Variants in ST6GALNAC3 observed in about 807,000 individuals in gnomAD.
ST6GALNAC3 encodes the protein alpha-N-acetylgalactosaminide alpha-2,6-sialyltransferase 3.
Under a neutral mutation model 32.7 loss-of-function variants are expected in ST6GALNAC3, and 25 were observed. The ratio of observed to expected loss-of-function variants is 0.76; its 90% CI spans 0.56 to 1.07. ST6GALNAC3 has a LOEUF of 1.07. Ranked by LOEUF, ST6GALNAC3 falls within the 50% of genes least tolerant of loss-of-function variation. The pLI is 0.00. For synonymous variants in ST6GALNAC3, 129 were observed against 133.1 expected (o/e 0.97, Z 0.21); for missense variants, 355 against 382.4 (o/e 0.93, Z 0.60).
intron 3 of ST6GALNAC3, among the ~76,000 whole-genome samples, chr1:76,491,318 C>T (rs1266594320): frequency 2.6e-5 from 4 of 152,268 alleles, no homozygotes; most frequent in East Asian, 3.9e-4. Context: ...TATTAAAACT[C>T]TTTGTCTCAT....
chr1:76,572,014 G>C (rs1428035214), intron 3 of ST6GALNAC3, among the ~76,000 whole-genome samples: 2 of 151,962 alleles, frequency 1.3e-5, no homozygotes, highest in African/African-American at 4.8e-5. Context: ...TCTGATGTTA[G>C]GCATTTTTTC....
chr1:76,369,280 T>C (rs1443040395), intron 2 of ST6GALNAC3, among the ~76,000 whole-genome samples: 1 of 152,160 alleles, frequency 6.6e-6, no homozygotes, highest in Non-Finnish European at 1.5e-5. Context: ...TTTTTCAACA[T>C]GCTCAGGTAT....
chr1:76,607,119 G>C (rs1647608372), intron 3 of ST6GALNAC3, among the ~76,000 whole-genome samples: 1 of 152,100 alleles, frequency 6.6e-6, no homozygotes, highest in African/African-American at 2.4e-5. Context: ...ACAGCACTTA[G>C]GAAAGCAGTT....
intron 1 of ST6GALNAC3, among the ~76,000 whole-genome samples, chr1:76,190,252 A>T (rs1213190074): frequency 6.6e-6 from 1 of 152,138 alleles, no homozygotes; most frequent in African/African-American, 2.4e-5. Context: ...GTGGAGTAGG[A>T]TGAGAGGCAG....
Position 76,531,596 on chromosome 1 carries a change from C to CT in ST6GALNAC3, c.624-95850dup, listed in dbSNP as rs970300522. 2.6e-4 allele frequency among the ~76,000 whole-genome samples: 39 copies of CT among 152,222 alleles called. 1 individual carries two copies. Among genetic ancestry groups the CT allele is most frequent in the African/African-American group, 7.5e-4 (31 of 41,548 alleles). On this transcript the variant is annotated intron_variant, in intron 3 of 4. Transcript: ENST00000328299. The stretch of plus-strand genomic sequence containing the variant: ...TTAGGAGTAATTTCCATTTTGTGTG[C>CT]TTTTTTCCCCCTCATTGACTGTAAG...
chr1:76,107,943 A>G (rs1647653082), intron 1 of ST6GALNAC3, among the ~76,000 whole-genome samples: 1 of 152,196 alleles, frequency 6.6e-6, no homozygotes, highest in African/African-American at 2.4e-5. Context: ...CATTGAGGCT[A>G]TAGATCTCTA....
chr1:76,614,280 A>C (rs1219584203), intron 3 of ST6GALNAC3, among the ~76,000 whole-genome samples: 1 of 152,234 alleles, frequency 6.6e-6, no homozygotes, highest in Non-Finnish European at 1.5e-5. Context: ...TTAGATTCTC[A>C]GGCCAATTCT....
At chr1:76,399,833 T>C (rs1179050054) in intron 2 of ST6GALNAC3, among the ~76,000 whole-genome samples, 1 of 152,198 alleles carries the variant, frequency 6.6e-6, no homozygotes, top group Non-Finnish European at 1.5e-5. Flanking sequence ...ATTTAATATT[T>C]TGAGGCAGTA....
intron 3 of ST6GALNAC3, among the ~76,000 whole-genome samples, chr1:76,563,739 A>G (rs527695652): frequency 1.6e-4 from 25 of 152,320 alleles, no homozygotes; most frequent in African/African-American, 5.5e-4. Context: ...TTTATTATGA[A>G]AATATATGAA....
At chr1:76,534,257 G>T (rs964158587) in intron 3 of ST6GALNAC3, among the ~76,000 whole-genome samples, 1 of 152,018 alleles carries the variant, frequency 6.6e-6, no homozygotes, top group Admixed American at 6.5e-5. Context: ...TGGCCAGACT[G>T]GTCTCAAACT....
intron 3 of ST6GALNAC3, among the ~76,000 whole-genome samples, chr1:76,548,250 A>G (rs1445901666): frequency 6.6e-6 from 1 of 152,158 alleles, no homozygotes; most frequent in Non-Finnish European, 1.5e-5. Context: ...CCCCTCTTCT[A>G]AAAGGCCACC....
intron 3 of ST6GALNAC3, among the ~76,000 whole-genome samples, chr1:76,588,489 C>T (rs1386128243): frequency 6.6e-6 from 1 of 152,204 alleles, no homozygotes; most frequent in East Asian, 1.9e-4. Flanking sequence ...AAGTAATGCA[C>T]TTGATATTTG....
chr1:76,637,228 T>C (rs1330097026), downstream of ST6GALNAC3: 1 of 152,196 alleles, frequency 6.6e-6, no homozygotes, highest in Non-Finnish European at 1.5e-5. Flanking sequence ...ATAATTTTCC[T>C]ACAAATGTCT....
intron 1 of ST6GALNAC3, among the ~76,000 whole-genome samples, chr1:76,180,356 C>G (rs1000313325): frequency 1.3e-5 from 2 of 152,138 alleles, no homozygotes; most frequent in African/African-American, 4.8e-5. Context: ...ATCTTCCCAA[C>G]TAAAGTGTGA....
chr1:76,584,781 G>A (rs1646937033), intron 3 of ST6GALNAC3, among the ~76,000 whole-genome samples: 1 of 152,192 alleles, frequency 6.6e-6, no homozygotes, highest in South Asian at 2.1e-4. Context: ...AAACTTAGCT[G>A]AAATGGTTGA....
chr1:76,347,523 A>G (rs1446868136), intron 2 of ST6GALNAC3, among the ~76,000 whole-genome samples: 1 of 152,120 alleles, frequency 6.6e-6, no homozygotes, highest in Non-Finnish European at 1.5e-5. Flanking sequence ...CCAAAATACA[A>G]TACAATACTT....
At chr1:76,409,856 G>A (rs1654096782) in intron 2 of ST6GALNAC3, among the ~76,000 whole-genome samples, 1 of 152,052 alleles carries the variant, frequency 6.6e-6, no homozygotes, top group Admixed American at 6.6e-5. Flanking sequence ...TAGTTTTTGA[G>A]TTTCCCATAT....
intron 2 of ST6GALNAC3, among the ~76,000 whole-genome samples, chr1:76,353,045 T>C (rs2101027287): frequency 6.6e-6 from 1 of 152,292 alleles, no homozygotes; most frequent in East Asian, 1.9e-4. Context: ...TCATCATCCA[T>C]TCTCCAAAGA....
At chr1:76,438,782 T>G (rs1344254787) in intron 3 of ST6GALNAC3, among the ~76,000 whole-genome samples, 1 of 152,160 alleles carries the variant, frequency 6.6e-6, no homozygotes, top group Non-Finnish European at 1.5e-5. Flanking sequence ...AAACCCTCCC[T>G]GCTATGCCCA....
Sources: gnomAD v4.1 joint callset for allele counts (sites outside exome capture counted in the v4.1 genomes callset) on GRCh38, gnomAD v4.1.1 for gene constraint, MANE v1.5 for transcripts, NCBI Gene and HGNC (gene_info 2026-07-23, HGNC 2026-07-21) for gene names.